The following MBIP variants were observed in gnomAD, a reference collection of about 807,000 sequenced individuals.
MBIP encodes MAP3K12 binding inhibitory protein 1.
In MBIP, 32 loss-of-function variants were observed where a neutral mutation model predicts 45.7. The observed-to-expected ratio is 0.70, with a 90% confidence interval of 0.53 to 0.94. MBIP has a LOEUF of 0.94. Ranked by LOEUF, MBIP falls within the 40% of genes least tolerant of loss-of-function variation. MBIP has a pLI of 0.00. For missense variants in MBIP, 381 were observed against 405.5 expected, an observed-to-expected ratio of 0.94 and a Z score of 0.52; for synonymous variants, 145 against 141.0, an observed-to-expected ratio of 1.03 and a Z score of -0.20.
chr14:36,316,885 T>C (rs1183932313), intron 1 of MBIP, 73 bp from the exon 2 acceptor site: 78 of 1,477,412 alleles, frequency 5.3e-5, no homozygotes, highest in Non-Finnish European at 3.5e-5. Context: ...GTCACAAAAA[T>C]AAGATTTCTA....
In MBIP at chr14:36,304,035, GGTTA is replaced by G. The variant is rs370891883; in HGVS notation, c.889-3216_889-3213del. Among the ~76,000 whole-genome samples the G allele has an allele frequency of 2.4e-3, 368 of 152,250 alleles. 3 individuals carry two copies. Among genetic ancestry groups the G allele is most frequent in the African/African-American group, 8.5e-3 (352 of 41,532 alleles). On this transcript the variant is annotated intron_variant, in intron 7 of 8. Coordinates refer to ENST00000416007, the MANE Select transcript of MBIP (RefSeq NM_016586.3). ...TCCAATGATACTAGAAGTGCAAACT[GGTTA>G]GTGTGACCTTCAAGGCCCTCTGAAA...
chr14:36,306,361 C>A (rs1594511397), intron 7 of MBIP, among the ~76,000 whole-genome samples: 1 of 152,048 alleles, frequency 6.6e-6, no homozygotes, highest in South Asian at 2.1e-4. Context: ...TTCAAGCGAT[C>A]CTCCTGCCTC....
In MBIP at chr14:36,307,928, A is replaced by G. The variant is rs537821778; in HGVS notation, c.888+164T>C. On this transcript the variant is annotated intron_variant, in intron 7 of 8. Coordinates refer to ENST00000416007, the MANE Select transcript of MBIP (RefSeq NM_016586.3). ...AAATTTTAAAAATATTCAGAACCAG[A>G]GATTTTAAGGAATTAGATATATCCC... 3 of 401,074 alleles carry G rather than the reference A, an allele frequency of 7.5e-6. No individual in the cohort carries two copies. In the South Asian group the frequency reaches 2.7e-4, roughly 37 times the overall value. The allele number at this position is 401,074 out of a possible 1,614,324, so 24.8% of individuals were successfully genotyped here.
chr14:36,300,490 G>A (rs923343262), intron 8 of MBIP, among the ~76,000 whole-genome samples: 1 of 152,116 alleles, frequency 6.6e-6, no homozygotes, highest in African/African-American at 2.4e-5. Flanking sequence ...GGAAGGGATG[G>A]GGGGAGACTG....
At chr14:36,307,797 G>A (rs1417435657) in intron 7 of MBIP, among the ~76,000 whole-genome samples, 1 of 152,154 alleles carries the variant, frequency 6.6e-6, no homozygotes, top group Non-Finnish European at 1.5e-5. Flanking sequence ...CAAGTTCAGA[G>A]TAACAGGCCC....
intron 7 of MBIP, among the ~76,000 whole-genome samples, chr14:36,306,830 G>A (rs908006415): frequency 6.6e-5 from 10 of 152,146 alleles, no homozygotes; most frequent in African/African-American, 9.7e-5. Context: ...TCTTTATGAA[G>A]TCTCCTAGGA....
In MBIP at chr14:36,300,799, C is replaced by G. The variant is rs976486813; in HGVS notation, c.913G>C (p.Val305Leu). The change falls in exon 8 of 9, where the codon GTT becomes CTT. Residue 305 changes from valine to leucine, a missense_variant. Coordinates refer to ENST00000416007, the MANE Select transcript of MBIP (RefSeq NM_016586.3). Reference sequence around the variant, plus strand: ...CAGTAACTTACTTGAGGTGGTTGAACTTTTCTTCTTTTTCCAGAAAAGCTC... The same window carrying G: ...CAGTAACTTACTTGAGGTGGTTGAAGTTTTCTTCTTTTTCCAGAAAAGCTC... Reference protein sequence around the residue: ...SVSFSGKRRKVQPPQQNYSLA... With the variant: ...SVSFSGKRRKLQPPQQNYSLA... The G allele has an allele frequency of 1.3e-6, 2 of 1,541,380 alleles. No homozygotes were observed. Among genetic ancestry groups the G allele is most frequent in the African/African-American group, 2.8e-5 (2 of 71,202 alleles).
intron 1 of MBIP, among the ~76,000 whole-genome samples, chr14:36,318,485 C>T (rs1566557534): frequency 6.6e-6 from 1 of 151,726 alleles, no homozygotes; most frequent in Non-Finnish European, 1.5e-5. Flanking sequence ...TGCATTTTGC[C>T]CTACAGAACT....
chr14:36,319,568 T>C, intron 1 of MBIP: 1 of 443,990 alleles, frequency 2.3e-6, no homozygotes, highest in Non-Finnish European at 4.5e-6. Context: ...AAATGTTCTA[T>C]TTTCATAGGA....
chr14:36,316,647 A>G (rs1427575050), intron 2 of MBIP, 46 bp downstream of exon 2: 7 of 1,550,284 alleles, frequency 4.5e-6, no homozygotes, highest in Non-Finnish European at 6.1e-6. Flanking sequence ...ACCACAATCA[A>G]TTTCTATTTT....
rs767095806 is a variant in MBIP at position 36,314,869 on chromosome 14, G to C, written c.296C>G (p.Thr99Ser). The change falls in exon 3 of 9, where the codon ACT becomes AGT. Residue 99 changes from threonine to serine, a missense_variant. Physicochemically the swap from Thr to Ser is moderately conservative, Grantham distance 58 (BLOSUM62 1). Transcript: ENST00000416007. ...TGTTCTTCCTATCTCTTCAACAGCA[G>C]TTGTATTCTCCTCTTTAATCGGAGA... ...LQSPIKEENT[T>S]AVEEIGRTEM... The C allele has an allele frequency of 4.3e-6, 7 of 1,613,186 alleles. No individual in the cohort carries two copies. In the African/African-American group the frequency reaches 5.3e-5, roughly 12 times the overall value.
At chr14:36,303,513 A>T (rs928648499) in intron 7 of MBIP, among the ~76,000 whole-genome samples, 6 of 152,198 alleles carry the variant, frequency 3.9e-5, no homozygotes, top group African/African-American at 1.4e-4. Flanking sequence ...ATGTTTCTGT[A>T]TTGAATACTG....
At chr14:36,311,823 T>C in intron 5 of MBIP, 98 bp from the exon 6 acceptor site, 1 of 1,263,124 alleles carries the variant, frequency 7.9e-7, no homozygotes, top group African/African-American at 1.5e-5. Flanking sequence ...ATAAAGACCA[T>C]CTAACCACAA....
chr14:36,306,117 G>A (rs1336448959), intron 7 of MBIP, among the ~76,000 whole-genome samples: 1 of 152,150 alleles, frequency 6.6e-6, no homozygotes, highest in South Asian at 2.1e-4. Flanking sequence ...TTAAACTTCT[G>A]AGCATAGCAC....
chr14:36,305,521 T>A (rs1879813444), intron 7 of MBIP, among the ~76,000 whole-genome samples: 2 of 152,158 alleles, frequency 1.3e-5, no homozygotes, highest in South Asian at 4.1e-4. Flanking sequence ...TCTGAATGCT[T>A]AATACATATA....
At chr14:36,300,919 C>T (rs192644244) in intron 7 of MBIP, 96 bp from the exon 8 acceptor site, 3 of 723,144 alleles carry the variant, frequency 4.1e-6, no homozygotes, top group Non-Finnish European at 6.6e-6. Context: ...GCCTTGGGAA[C>T]CCTGACAGAA....
In MBIP at chr14:36,307,982, G is replaced by C. The variant is rs1879980135; in HGVS notation, c.888+110C>G. The C allele has an allele frequency of 5.0e-6, 3 of 598,498 alleles. No individual in the cohort carries two copies. The East Asian group carries it at 8.4e-5, about 17-fold the overall frequency. 37.1% of individuals were successfully genotyped at this position (598,498 alleles called of 1,614,324 possible). A position where few individuals can be genotyped will look rare whatever the true frequency, so the allele number is the denominator to read the frequency against. On this transcript the variant is annotated intron_variant, in intron 7 of 8. Transcript: ENST00000416007. Reference sequence around the variant, plus strand: ...TACAGGACTGTGTTCATTCATCTTTGAATTATTAAAATAGTGTTTTGCTTA... The same window carrying C: ...TACAGGACTGTGTTCATTCATCTTTCAATTATTAAAATAGTGTTTTGCTTA...
At chr14:36,304,991 ACTTTC>A (rs987401258) in intron 7 of MBIP, 36 of 152,210 alleles carry the variant, frequency 2.4e-4, no homozygotes, top group African/African-American at 7.7e-4. Flanking sequence ...AATGGGCTCA[ACTTTC>A]CTTTCCTATC....
At chr14:36,317,091 GA>G (rs1472861538) in intron 1 of MBIP, among the ~76,000 whole-genome samples, 1 of 152,096 alleles carries the variant, frequency 6.6e-6, no homozygotes, top group African/African-American at 2.4e-5. Flanking sequence ...ATTCATGAAA[GA>G]TGAAAAGATG....
Sources: gnomAD v4.1 joint callset for allele counts (sites outside exome capture counted in the v4.1 genomes callset) on GRCh38, gnomAD v4.1.1 for gene constraint, MANE v1.5 for transcripts, NCBI Gene and HGNC (gene_info 2026-07-23, HGNC 2026-07-21) for gene names.